FREM2: variants seen among roughly 807,000 people sequenced by gnomAD.
FREM2 encodes the protein FRAS1 related extracellular matrix 2, also known as FRAS1-related extracellular matrix protein 2.
In FREM2, 119 loss-of-function variants were observed where a neutral mutation model predicts 219.9. That is an observed-to-expected ratio of 0.54 (90% CI 0.47 to 0.63). The LOEUF is 0.63. Among genes scored for constraint, FREM2 ranks in the 30% least tolerant of loss-of-function variants. The probability of loss-of-function intolerance (pLI) is 0.00; values close to 1 mark genes in which losing one functional copy is unlikely to be tolerated. For synonymous variants in FREM2, 1,562 were observed against 1,522.8 expected (o/e 1.03, Z -0.60); for missense variants, 4,030 against 3,993.6 (o/e 1.01, Z -0.25).
Position 38,689,265 on chromosome 13 carries a change from A to G in FREM2, c.1921A>G (p.Thr641Ala), listed in dbSNP as rs116802472. Residue 641 changes from threonine (T) to alanine (A), a missense_variant, in exon 1 of 24, where the codon ACA (threonine) becomes GCA (alanine). This residue lies in a region of FREM2 where 3,102 missense variants were observed against 2,950.7 expected (regional missense o/e 1.05). Transcript: ENST00000280481. ...KEGAFYERTV[T>A]EWQQQDITEG... ...GGGGGCATTTTATGAGCGAACAGTG[A>G]CAGAGTGGCAGCAGCAGGACATAAC... The G allele has an allele frequency of 9.3e-6, 15 of 1,614,066 alleles. No homozygotes were observed. In the East Asian group the frequency reaches 2.9e-4, roughly 31 times the overall value.
chr13:38,779,015 T>C (rs1471706234), intron 4 of FREM2, among the ~76,000 whole-genome samples: 2 of 152,220 alleles, frequency 1.3e-5, no homozygotes, highest in African/African-American at 2.4e-5. Flanking sequence ...AATTTCTACA[T>C]TGAAATTTTA....
intron 2 of FREM2, among the ~76,000 whole-genome samples, chr13:38,745,466 T>C (rs2137786203): frequency 6.6e-6 from 1 of 152,320 alleles, no homozygotes. Flanking sequence ...GTGGTATAAT[T>C]GCTAATAAAG....
intron 2 of FREM2, among the ~76,000 whole-genome samples, chr13:38,744,203 C>CTTTTTT (rs11308232): frequency 1.9e-5 from 1 of 51,708 alleles, no homozygotes. Context: ...GAGGTAAATC[C>CTTTTTT]TTTTTTTTTT....
At chr13:38,848,751 G>A (rs1877260383) in intron 8 of FREM2, 81 bp downstream of exon 8, 1 of 1,230,550 alleles carries the variant, frequency 8.1e-7, no homozygotes, top group South Asian at 1.3e-5. Context: ...TAAGCAAGAT[G>A]ATTATATATA....
chr13:38,757,940 G>A (rs369541215), intron 2 of FREM2, among the ~76,000 whole-genome samples: 9 of 152,238 alleles, frequency 5.9e-5, no homozygotes, highest in East Asian at 1.9e-4. Flanking sequence ...TGTTTGTGCT[G>A]CCTCATTTTC....
intron 2 of FREM2, among the ~76,000 whole-genome samples, chr13:38,704,953 A>G (rs750404417): frequency 6.6e-6 from 1 of 152,194 alleles, no homozygotes; most frequent in Non-Finnish European, 1.5e-5. Flanking sequence ...AACCGCCACC[A>G]TGATCCAATC....
Position 38,687,406 on chromosome 13 carries a change from A to C in FREM2, c.62A>C (p.Gln21Pro). 6.2e-7 allele frequency: 1 copy of C among 1,608,138 alleles called. No individual in the cohort carries two copies. The highest frequency in any genetic ancestry group is 8.5e-7 in the Non-Finnish European group (1 of 1,177,836). The change falls in exon 1 of 24, where the codon CAA becomes CCA. Residue 21 changes from glutamine (Q) to proline (P), a missense_variant. Physicochemically the swap from Gln to Pro is moderately conservative, Grantham distance 76. This residue lies in a region of FREM2 where 3,102 missense variants were observed against 2,950.7 expected (regional missense o/e 1.05). Coordinates refer to ENST00000280481, the MANE Select transcript of FREM2 (RefSeq NM_207361.6). Reference sequence around the variant, plus strand: ...CGGACAGGCAACTCCACCAGCTTTCAACCAGGACCGCCACCGCCGCCCCGG... The same window carrying C: ...CGGACAGGCAACTCCACCAGCTTTCCACCAGGACCGCCACCGCCGCCCCGG... The part of the protein sequence containing the change: ...SRRTGNSTSF[Q>P]PGPPPPPRLL...
At chr13:38,743,620 C>T (rs1404470105) in intron 2 of FREM2, among the ~76,000 whole-genome samples, 1 of 152,066 alleles carries the variant, frequency 6.6e-6, no homozygotes, top group Non-Finnish European at 1.5e-5. Flanking sequence ...CTCAATAAGC[C>T]CAGAGGCATC....
Position 38,850,106 on chromosome 13 carries a change from A to G in FREM2, c.6448A>G (p.Ile2150Val). The change falls in exon 9 of 24, where the codon ATC (isoleucine) becomes GTC (valine). Residue 2150 changes from isoleucine (I) to valine (V), a missense_variant. Physicochemically the swap from Ile to Val is conservative, Grantham distance 29. Around this residue, in one of 2 missense-constraint regions of FREM2, gnomAD observed 3,102 missense variants for 2,950.7 expected, o/e 1.05. Coordinates refer to ENST00000280481, the MANE Select transcript of FREM2 (RefSeq NM_207361.6). ...SESDGQIVTM[I>V]HRTGDVQYRS... ...AAGTGATGGGCAGATAGTTACAATG[A>G]TCCATAGGACTGGGGATGTCCAGTA... is the stretch of plus-strand genomic sequence containing the variant. The G allele has an allele frequency of 1.2e-6, 2 of 1,614,020 alleles. No homozygotes were observed. Among genetic ancestry groups the G allele is most frequent in the Non-Finnish European group, 8.5e-7 (1 of 1,179,896 alleles).
intron 18 of FREM2, among the ~76,000 whole-genome samples, chr13:38,875,699 C>T (rs1488536244): frequency 6.6e-6 from 1 of 152,216 alleles, no homozygotes; most frequent in African/African-American, 2.4e-5. Flanking sequence ...GCTGCTGTGA[C>T]TCCCCAGAAA....
chr13:38,692,380 T>C lies in FREM2; in HGVS notation c.5036T>C (p.Ile1679Thr). Residue 1679 changes from isoleucine to threonine, a missense_variant, in exon 1 of 24, where the codon ATC becomes ACC. By Grantham distance (89) the Ile-to-Thr change is moderately conservative (BLOSUM62 -1). Coordinates refer to ENST00000280481, the MANE Select transcript of FREM2 (RefSeq NM_207361.6). ...TLATGHLGFM[I>T]TSKILKVEDR... ...GCCACTGGCCACTTGGGGTTCATGA[T>C]CACAAGCAAAATATTGAAAGTGGAG... 6.2e-7 allele frequency: 1 copy of C among 1,608,774 alleles called. No individual in the cohort carries two copies. The highest frequency in any genetic ancestry group is 1.7e-4 in the Middle Eastern group (1 of 6,024).
Position 38,861,545 on chromosome 13 carries a change from C to G in FREM2, c.7634C>G (p.Thr2545Arg). The G allele has an allele frequency of 6.2e-7, 1 of 1,613,918 alleles. No homozygotes were observed. Among genetic ancestry groups the G allele is most frequent in the Non-Finnish European group, 8.5e-7 (1 of 1,179,892 alleles). The change falls in exon 15 of 24, where the codon ACA becomes AGA. Residue 2545 changes from threonine (T) to arginine (R), a missense_variant. Around this residue, in one of 2 missense-constraint regions of FREM2, gnomAD observed 928 missense variants for 1,042.9 expected, o/e 0.89. Coordinates refer to ENST00000280481, the MANE Select transcript of FREM2 (RefSeq NM_207361.6). ...ACAAACCTTATCAAGCTCACTGTCA[C>G]AATGCCACACATAGATGGTAGGTGA... The part of the protein sequence containing the change: ...DYTNLIKLTV[T>R]MPHIDGMLPV...
chr13:38,873,450 T>C (rs1389141867), intron 17 of FREM2, among the ~76,000 whole-genome samples: 2 of 152,322 alleles, frequency 1.3e-5, no homozygotes, highest in South Asian at 2.1e-4. Context: ...TTCTGAATGA[T>C]AGACACAACT....
At chr13:38,753,181 T>A (rs1015751496) in intron 2 of FREM2, among the ~76,000 whole-genome samples, 1 of 152,178 alleles carries the variant, frequency 6.6e-6, no homozygotes, top group Non-Finnish European at 1.5e-5. Context: ...AAATTTTTTT[T>A]AACTTATATA....
intron 6 of FREM2, among the ~76,000 whole-genome samples, chr13:38,842,451 T>C (rs750928669): frequency 6.6e-6 from 1 of 152,154 alleles, no homozygotes; most frequent in Non-Finnish European, 1.5e-5. Context: ...GATTCCGTTA[T>C]GGAGAAGTTC....
chr13:38,785,132 T>A (rs1874276067), intron 6 of FREM2, among the ~76,000 whole-genome samples: 1 of 152,198 alleles, frequency 6.6e-6, no homozygotes, highest in African/African-American at 2.4e-5. Context: ...CCTTCTTGGT[T>A]TTTTGTTTTG....
At position 38,872,799 on chromosome 13, in the gene FREM2, G is replaced by C. The variant is rs367698077; in HGVS notation, c.8041G>C (p.Val2681Leu). Residue 2681 changes from valine to leucine, a missense_variant, in exon 17 of 24, where the codon GTG becomes CTG. Physicochemically the swap from Val to Leu is conservative, Grantham distance 32. Transcript: ENST00000280481. ...TLRVPLYVSYVFHSPVGVGGW... is the reference protein window; with the variant it reads ...TLRVPLYVSYLFHSPVGVGGW... ...TCGAGTCCCTCTGTATGTTTCCTAC[G>C]TGTTCCATTCCCCCGTGGGGGTAGG... 6 of 1,613,992 alleles carry C rather than the reference G, an allele frequency of 3.7e-6. No homozygotes were observed. In the Admixed American group the frequency reaches 8.3e-5, roughly 22 times the overall value.
rs190571084 is a variant in FREM2, at chr13:38,816,727, G to C, written c.6020-29846G>C. 2.5e-3 allele frequency among the ~76,000 whole-genome samples: 385 copies of C among 152,216 alleles called. 2 individuals carry two copies. The highest frequency in any genetic ancestry group is 4.3e-3 in the Admixed American group (65 of 15,268). On this transcript the variant is annotated intron_variant, in intron 6 of 23. Transcript: ENST00000280481. Reference sequence around the variant, plus strand: ...TGTAGTAAATGAAGACCTAGCCGGAGCAATTAGGCAAGAGAAAGAAATAAA... The same window carrying C: ...TGTAGTAAATGAAGACCTAGCCGGACCAATTAGGCAAGAGAAAGAAATAAA...
intron 14 of FREM2, among the ~76,000 whole-genome samples, chr13:38,860,339 A>G (rs1292309536): frequency 2.0e-5 from 3 of 152,178 alleles, no homozygotes; most frequent in Admixed American, 6.5e-5. Context: ...GCTGGGGACA[A>G]CATTGGAAAG....
Sources: gnomAD v4.1 joint callset for allele counts (sites outside exome capture counted in the v4.1 genomes callset) on GRCh38, gnomAD v4.1.1 for gene constraint, gnomAD v4.1.1 regional missense constraint, MANE v1.5 for transcripts, NCBI Gene and HGNC (gene_info 2026-07-23, HGNC 2026-07-21) for gene names.